Variants in TTC6 observed in about 807,000 individuals in gnomAD.
The protein encoded by TTC6 is tetratricopeptide repeat protein 6.
Under a neutral mutation model 210.4 loss-of-function variants are expected in TTC6, and 172 were observed. The ratio of observed to expected loss-of-function variants is 0.82; its 90% confidence interval spans 0.72 to 0.93. The LOEUF (loss-of-function observed/expected upper bound fraction) is 0.93, where lower values mean the gene tolerates loss of function less well. Among genes scored for constraint, TTC6 ranks in the 40% least tolerant of loss-of-function variants. The pLI is 0.00. For missense variants in TTC6, 2,414 were observed against 2,318.1 expected, an observed-to-expected ratio of 1.04 and a Z score of -0.85; for synonymous variants, 804 against 819.6, an observed-to-expected ratio of 0.98 and a Z score of 0.32.
intron 29 of TTC6, among the ~76,000 whole-genome samples, chr14:37,829,076 T>C (rs369561821): frequency 6.6e-6 from 1 of 152,046 alleles, no homozygotes; most frequent in African/African-American, 2.4e-5. Context: ...TTGTGTGATA[T>C]GAGGATCATG....
chr14:37,650,137 A>C (rs34394617), intron 1 of TTC6, among the ~76,000 whole-genome samples: 1,704 of 152,218 alleles, frequency 0.011, 16 homozygotes, highest in Non-Finnish European at 0.014. Flanking sequence ...TCCTTCTTGC[A>C]TTTCCATTAC....
chr14:37,789,619 G>GTA (rs2096075061), intron 15 of TTC6, among the ~76,000 whole-genome samples: 1 of 84,428 alleles, frequency 1.2e-5, no homozygotes, highest in South Asian at 4.2e-4. Flanking sequence ...TATATATATT[G>GTA]TATATACTCT....
chr14:37,779,695 T>C (rs761667246), intron 14 of TTC6, among the ~76,000 whole-genome samples: 1 of 152,236 alleles, frequency 6.6e-6, no homozygotes, highest in Non-Finnish European at 1.5e-5. Context: ...TGAAACTCTT[T>C]ATAAATTATT....
intron 5 of TTC6, among the ~76,000 whole-genome samples, chr14:37,713,810 G>GGTTTAATAAT (rs2095848319): frequency 6.6e-6 from 1 of 152,102 alleles, no homozygotes; most frequent in East Asian, 1.9e-4. Context: ...TTAAACAACT[G>GGTTTAATAAT]AAATCAGTTG....
chr14:37,714,895 T>A, intron 6 of TTC6, 99 bp downstream of exon 8: 1 of 1,143,552 alleles, frequency 8.7e-7, no homozygotes, highest in Non-Finnish European at 1.2e-6. Context: ...TATTGAGGGC[T>A]GGCCAGGTGT....
chr14:37,713,370 C>T (rs1165679258), intron 5 of TTC6, among the ~76,000 whole-genome samples: 3 of 152,140 alleles, frequency 2.0e-5, no homozygotes, highest in Non-Finnish European at 2.9e-5. Flanking sequence ...TCCTGAGTAG[C>T]TGGGACTACA....
intron 7 of TTC6, among the ~76,000 whole-genome samples, chr14:37,732,111 A>G (rs992276370): frequency 6.6e-6 from 1 of 151,434 alleles, no homozygotes; most frequent in East Asian, 1.9e-4. Context: ...GTTGACTGGA[A>G]GCATTACTGA....
chr14:37,777,235 A>G (rs8016889), intron 14 of TTC6, among the ~76,000 whole-genome samples: 91,169 of 152,028 alleles, frequency 0.6, 27,414 homozygotes, highest in Admixed American at 0.65. Context: ...AGGAATGCCA[A>G]TGAATCATAG....
At chr14:37,796,347 A>C (rs1472420456) in exon 19 of TTC6, 1 of 1,252,740 alleles carries the variant, frequency 8.0e-7, no homozygotes, top group Non-Finnish European at 1.1e-6. Context: ...TTTACTATTT[A>C]TCAAATAGCA....
intron 14 of TTC6, among the ~76,000 whole-genome samples, chr14:37,767,516 A>G (rs2139149527): frequency 6.6e-6 from 1 of 152,158 alleles, no homozygotes; most frequent in Non-Finnish European, 1.5e-5. Context: ...ATGGTATCTC[A>G]TTGTGGTTTT....
At chr14:37,705,258 T>C (rs1269662053) in intron 5 of TTC6, among the ~76,000 whole-genome samples, 1 of 152,144 alleles carries the variant, frequency 6.6e-6, no homozygotes, top group South Asian at 2.1e-4. Context: ...ATTAGCTTTA[T>C]ACATTAGAAC....
chr14:37,722,783 T>TA (rs1178509761), intron 6 of TTC6, among the ~76,000 whole-genome samples: 1 of 152,204 alleles, frequency 6.6e-6, no homozygotes, highest in African/African-American at 2.4e-5. Context: ...CCTGGCTAGG[T>TA]AGTGTTTACC....
chr14:37,643,171 G>T (rs369448101), intron 1 of TTC6, among the ~76,000 whole-genome samples: 4 of 152,110 alleles, frequency 2.6e-5, no homozygotes, highest in Non-Finnish European at 5.9e-5. Flanking sequence ...AGCTGGGTGT[G>T]GTGGCTCACT....
intron 14 of TTC6, among the ~76,000 whole-genome samples, chr14:37,785,619 C>T (rs2096065719): frequency 6.6e-6 from 1 of 152,184 alleles, no homozygotes; most frequent in African/African-American, 2.4e-5. Context: ...GCCTTTTTCT[C>T]TCAACTCGTC....
intron 3 of TTC6, among the ~76,000 whole-genome samples, chr14:37,693,608 AAAC>A (rs1252651970): frequency 6.6e-5 from 10 of 152,220 alleles, no homozygotes; most frequent in Non-Finnish European, 8.8e-5. Context: ...CAAAACAAAC[AAAC>A]AACGACAACA....
intron 14 of TTC6, among the ~76,000 whole-genome samples, chr14:37,757,632 C>A (rs887559973): frequency 1.3e-5 from 2 of 152,224 alleles, no homozygotes; most frequent in Middle Eastern, 3.4e-3. Context: ...AAATAAAAAA[C>A]CAACTCCTGG....
intron 14 of TTC6, among the ~76,000 whole-genome samples, chr14:37,771,413 C>T: frequency 6.6e-6 from 1 of 152,128 alleles, no homozygotes; most frequent in African/African-American, 2.4e-5. Context: ...CAACTTGGTT[C>T]CATTCTCCCT....
intron 1 of TTC6, among the ~76,000 whole-genome samples, chr14:37,638,631 C>CG (rs1264498740): frequency 3.1e-4 from 7 of 22,356 alleles, no homozygotes; most frequent in Admixed American, 9.8e-4. Context: ...AGGGTGGGGG[C>CG]GGGGGGGCTG....
chr14:37,765,694 T>G (rs2095997171), intron 14 of TTC6, among the ~76,000 whole-genome samples: 1 of 152,158 alleles, frequency 6.6e-6, no homozygotes, highest in Non-Finnish European at 1.5e-5. Flanking sequence ...CATGTCAGCC[T>G]TAGGGACTCC....
Sources: gnomAD v4.1 joint callset for allele counts (sites outside exome capture counted in the v4.1 genomes callset) on GRCh38, gnomAD v4.1.1 for gene constraint, MANE v1.5 for transcripts, NCBI Gene and HGNC (gene_info 2026-07-23, HGNC 2026-07-21) for gene names.